MREG: variants seen among roughly 807,000 people sequenced by gnomAD.
MREG encodes dilute suppressor protein homolog.
Under a neutral mutation model 28.5 loss-of-function variants are expected in MREG, and 31 were observed. That is an observed-to-expected ratio of 1.09 (90% CI 0.82 to 1.47). MREG has a LOEUF of 1.47. Ranked by LOEUF, MREG falls within the 40% of genes most tolerant of loss-of-function variation. The pLI is 0.00. For missense variants in MREG, 256 were observed against 257.4 expected (o/e 0.99, Z 0.04); for synonymous variants, 106 against 95.2 (o/e 1.11, Z -0.66).
upstream of MREG, among the ~76,000 whole-genome samples, chr2:216,018,365 C>G (rs1162316239): frequency 6.6e-6 from 1 of 152,170 alleles, no homozygotes; most frequent in African/African-American, 2.4e-5. Context: ...TGCAATATCC[C>G]CAACGCCTAG....
chr2:215,945,850 A>ATAT, intron 3 of MREG, 116 bp from the exon 4 acceptor site: 1 of 870,336 alleles, frequency 1.1e-6, no homozygotes, highest in Non-Finnish European at 1.7e-6. Context: ...ACAAGCATAA[A>ATAT]GCATCAGAAA....
At chr2:215,998,516 C>G (rs922219512) in intron 1 of MREG, among the ~76,000 whole-genome samples, 4 of 152,014 alleles carry the variant, frequency 2.6e-5, no homozygotes, top group Non-Finnish European at 2.9e-5. Context: ...AGTTTAGGGT[C>G]TGGGACTGAA....
intron 2 of MREG, 86 bp downstream of exon 2, chr2:215,996,220 G>T: frequency 7.6e-7 from 1 of 1,321,954 alleles, no homozygotes; most frequent in Non-Finnish European, 1.0e-6. Flanking sequence ...CATTCTTTTT[G>T]TTATTTCAAG....
At chr2:215,974,600 T>C (rs1288881736) in intron 2 of MREG, among the ~76,000 whole-genome samples, 2 of 151,836 alleles carry the variant, frequency 1.3e-5, no homozygotes, top group African/African-American at 4.8e-5. Flanking sequence ...GAGGGCACAG[T>C]GGTGAAAAAG....
chr2:215,943,650 G>T lies in MREG; in HGVS notation c.*1213C>A. The T allele has an allele frequency of 2.8e-6, 1 of 361,660 alleles. No individual in the cohort carries two copies. Among genetic ancestry groups the T allele is most frequent in the Non-Finnish European group, 5.5e-6 (1 of 183,216 alleles). 22.4% of individuals were successfully genotyped at this position (361,660 alleles called of 1,614,324 possible). On this transcript the variant is annotated 3_prime_UTR_variant, in exon 5 of 5. Transcript: ENST00000263268. ...AGGTCAGGAGATCGAGACCATCGTG[G>T]CTAACATGGTGAAACCCCGTCTCTA...
intron 2 of MREG, among the ~76,000 whole-genome samples, chr2:215,971,115 G>A (rs1693081097): frequency 6.6e-6 from 1 of 152,026 alleles, no homozygotes; most frequent in Non-Finnish European, 1.5e-5. Flanking sequence ...GGGTGGGGAG[G>A]ACATCACACA....
chr2:215,998,033 G>A (rs1010225793), intron 1 of MREG, among the ~76,000 whole-genome samples: 57 of 152,262 alleles, frequency 3.7e-4, no homozygotes, highest in African/African-American at 8.7e-4. Flanking sequence ...GGCCGGGCAC[G>A]GTGGCTCACG....
intron 2 of MREG, among the ~76,000 whole-genome samples, chr2:215,957,775 A>G (rs1011282555): frequency 1.3e-5 from 2 of 152,090 alleles, no homozygotes; most frequent in East Asian, 3.9e-4. Flanking sequence ...ACTTCCCTGG[A>G]CAGCGTGCCC....
At chr2:216,014,829 T>C (rs1182986196), upstream of MREG, among the ~76,000 whole-genome samples, 2 of 152,196 alleles carry the variant, frequency 1.3e-5, no homozygotes, top group Non-Finnish European at 2.9e-5. Flanking sequence ...TACTTCCCTA[T>C]ACCCTCGCCA....
intron 2 of MREG, among the ~76,000 whole-genome samples, chr2:215,959,176 C>T (rs1032386778): frequency 6.6e-6 from 1 of 152,122 alleles, no homozygotes; most frequent in Non-Finnish European, 1.5e-5. Flanking sequence ...ATAATTTCCC[C>T]TAATGCCTCA....
chr2:215,976,319 T>C (rs1693259483), intron 2 of MREG, among the ~76,000 whole-genome samples: 2 of 152,204 alleles, frequency 1.3e-5, no homozygotes, highest in Non-Finnish European at 2.9e-5. Flanking sequence ...GAGCCTTTAT[T>C]TGAAATACAT....
chr2:215,993,582 A>G (rs1318670766), intron 2 of MREG, among the ~76,000 whole-genome samples: 1 of 152,242 alleles, frequency 6.6e-6, no homozygotes, highest in Non-Finnish European at 1.5e-5. Flanking sequence ...GGATTAAACT[A>G]AAGAGCTTCT....
chr2:215,970,762 G>A (rs1014191785), intron 2 of MREG, among the ~76,000 whole-genome samples: 3 of 152,162 alleles, frequency 2.0e-5, no homozygotes, highest in South Asian at 2.1e-4. Context: ...GAGAAAGCAC[G>A]CTGCAAAGAA....
intron 2 of MREG, among the ~76,000 whole-genome samples, chr2:215,947,816 A>T (rs1692360720): frequency 6.6e-6 from 1 of 152,198 alleles, no homozygotes; most frequent in Non-Finnish European, 1.5e-5. Context: ...TCAACTGATT[A>T]AAGTTCTTTA....
At chr2:215,976,423 TG>T (rs1318086027) in intron 2 of MREG, among the ~76,000 whole-genome samples, 4 of 152,222 alleles carry the variant, frequency 2.6e-5, no homozygotes, top group African/African-American at 9.6e-5. Context: ...AATTTCTGCC[TG>T]TACCCAGTGC....
chr2:216,011,622 T>G (rs1462383662), intron 1 of MREG, among the ~76,000 whole-genome samples: 1 of 152,222 alleles, frequency 6.6e-6, no homozygotes, highest in Non-Finnish European at 1.5e-5. Context: ...TCACAAGCCC[T>G]ATGCTACTCC....
At chr2:215,990,525 G>A (rs1287024098) in intron 2 of MREG, among the ~76,000 whole-genome samples, 1 of 152,158 alleles carries the variant, frequency 6.6e-6, no homozygotes, top group Non-Finnish European at 1.5e-5. Flanking sequence ...ATAATGATGG[G>A]ATCAAATTCA....
chr2:215,971,053 A>G (rs2105989825), intron 2 of MREG, among the ~76,000 whole-genome samples: 1 of 152,094 alleles, frequency 6.6e-6, no homozygotes, highest in South Asian at 2.1e-4. Flanking sequence ...ACCAAACACC[A>G]CATGTTCTGA....
At chr2:216,004,565 A>AAAAAAAAAAAC (rs1553554882) in intron 1 of MREG, among the ~76,000 whole-genome samples, 6 of 43,706 alleles carry the variant, frequency 1.4e-4, no homozygotes, top group African/African-American at 4.2e-4. Flanking sequence ...AAAAACAAAC[A>AAAAAAAAAAAC]AAAAAAAAAA....
Sources: gnomAD v4.1 joint callset for allele counts (sites outside exome capture counted in the v4.1 genomes callset) on GRCh38, gnomAD v4.1.1 for gene constraint, MANE v1.5 for transcripts, NCBI Gene and HGNC (gene_info 2026-07-23, HGNC 2026-07-21) for gene names.